The following ZNF517 variants were observed in gnomAD, a reference collection of about 807,000 sequenced individuals.
The protein encoded by ZNF517 is zinc finger protein 517.
Under a neutral mutation model 12.1 loss-of-function variants are expected in ZNF517, and 12 were observed. The ratio of observed to expected loss-of-function variants is 0.99; its 90% confidence interval spans 0.63 to 1.61. ZNF517 has a LOEUF of 1.61. ZNF517 is among the 40% of genes most tolerant of loss of function. ZNF517 has a pLI of 0.00. For missense variants in ZNF517, 781 were observed against 693.2 expected (o/e 1.13, Z -1.42); for synonymous variants, 388 against 310.2 (o/e 1.25, Z -2.63).
chr8:144,807,279 C>A lies in ZNF517; in HGVS notation c.363C>A (p.Cys121Ter), dbSNP rs1363717791. The change falls in exon 5 of 5, where the codon TGC becomes TGA. Residue 121 changes from cysteine (C) to a stop codon, truncating the protein, a stop_gained. Transcript: ENST00000359971. LOFTEE classifies it low-confidence loss of function (END_TRUNC). ...QAGLPGTVWGCLPWGHPVGGH... is the reference protein window; with the variant it reads ...QAGLPGTVWG ...GACTGCCGGGCACCGTGTGGGGGTGCCTCCCCTGGGGGCACCCTGTGGGGG... is the reference window on the plus strand; with the variant it reads ...GACTGCCGGGCACCGTGTGGGGGTGACTCCCCTGGGGGCACCCTGTGGGGG... The A allele has an allele frequency of 6.4e-7, 1 of 1,552,432 alleles. No individual in the cohort carries two copies. The highest frequency in any genetic ancestry group is 1.4e-5 in the African/African-American group (1 of 73,104).
In ZNF517 at chr8:144,807,902, G is replaced by C. The variant is rs570600733; in HGVS notation, c.986G>C (p.Gly329Ala). The C allele has an allele frequency of 2.5e-5, 39 of 1,533,974 alleles. No individual in the cohort carries two copies. In the East Asian group the frequency reaches 3.9e-4, roughly 15 times the overall value. Residue 329 changes from glycine (G) to alanine (A), a missense_variant, in exon 5 of 5, where the codon GGG becomes GCG. By Grantham distance (60) the Gly-to-Ala change is moderately conservative. Coordinates refer to ENST00000359971, the MANE Select transcript of ZNF517 (RefSeq NM_213605.3). ...CLRCGQRFIR[G>A]SSLLKHHRLH... ...CGGTGTGGGCAGCGCTTCATCCGAGGGTCCTCGCTCCTGAAGCACCACCGG... is the reference window on the plus strand; with the variant it reads ...CGGTGTGGGCAGCGCTTCATCCGAGCGTCCTCGCTCCTGAAGCACCACCGG...
chr8:144,804,060 C>A, intron 3 of ZNF517, 65 bp from the exon 4 acceptor site: 1 of 1,499,482 alleles, frequency 6.7e-7, no homozygotes, highest in Non-Finnish European at 9.2e-7. Context: ...GGCCTCCAGC[C>A]AGGCACCTGG....
chr8:144,800,893 G>C (rs759432503), intron 1 of ZNF517, among the ~76,000 whole-genome samples: 54 of 152,064 alleles, frequency 3.6e-4, no homozygotes, highest in Admixed American at 2.6e-3. Flanking sequence ...GGAGTGCAGC[G>C]GGGCACACTT....
chr8:144,805,362 G>C (rs1299589169), intron 4 of ZNF517, among the ~76,000 whole-genome samples: 1 of 152,192 alleles, frequency 6.6e-6, no homozygotes, highest in African/African-American at 2.4e-5. Context: ...ATGGAGTCTC[G>C]CTCTGTCGCC....
intron 2 of ZNF517, 185 bp from the exon 3 acceptor site, chr8:144,803,456 G>T: frequency 1.4e-6 from 1 of 698,400 alleles, no homozygotes; most frequent in Non-Finnish European, 2.3e-6. Context: ...TTCCTCTCTG[G>T]GGCTTCTGCT....
chr8:144,804,799 C>T (rs771379518), intron 4 of ZNF517, among the ~76,000 whole-genome samples: 2 of 152,130 alleles, frequency 1.3e-5, no homozygotes, highest in Non-Finnish European at 2.9e-5. Flanking sequence ...GTTTGACAGC[C>T]GAGGCGGAGA....
At chr8:144,801,222 G>C (rs1826942619) in intron 1 of ZNF517, among the ~76,000 whole-genome samples, 1 of 152,202 alleles carries the variant, frequency 6.6e-6, no homozygotes, top group African/African-American at 2.4e-5. Context: ...TACAGAAATG[G>C]ATAGCCCCGG....
At chr8:144,805,354 G>A (rs1408613017) in intron 4 of ZNF517, among the ~76,000 whole-genome samples, 2 of 152,180 alleles carry the variant, frequency 1.3e-5, no homozygotes, top group African/African-American at 4.8e-5. Context: ...TTTTTGAGAT[G>A]GAGTCTCGCT....
intron 1 of ZNF517, among the ~76,000 whole-genome samples, chr8:144,801,787 T>A (rs1000065709): frequency 6.6e-6 from 1 of 152,218 alleles, no homozygotes; most frequent in East Asian, 1.9e-4. Context: ...ATCCCAGCAC[T>A]TTGGGAGACC....
At position 144,807,371 on chromosome 8, in the gene ZNF517, G is replaced by T; in HGVS notation, c.455G>T (p.Arg152Leu). 1 of 1,555,664 alleles carries T rather than the reference G, an allele frequency of 6.4e-7. No homozygotes were observed. The highest frequency in any genetic ancestry group is 8.7e-7 in the Non-Finnish European group (1 of 1,149,486). Residue 152 changes from arginine (R) to leucine (L), a missense_variant, in exon 5 of 5, where the codon CGG becomes CTG. Arg to Leu is a moderately radical substitution (Grantham distance 102). Transcript: ENST00000359971. ...GGGTCAGATAAACCCACCCACCCCCGGGCTCGGGAGCACAGCGCCTCCCCA... is the reference window on the plus strand; with the variant it reads ...GGGTCAGATAAACCCACCCACCCCCTGGCTCGGGAGCACAGCGCCTCCCCA... ...EDGSDKPTHP[R>L]AREHSASPRV... is the part of the protein sequence containing the mutation.
chr8:144,810,454 GATCCACCCTCCAGAGAACAAGA>G, downstream of ZNF517: 1 of 419,552 alleles, frequency 2.4e-6, no homozygotes, highest in Admixed American at 4.0e-5. Flanking sequence ...GGGAGGGCTG[GATCCACCCTCCAGAGAACAAGA>G]ATCCTGGGCA....
rs1286917865 is a variant in ZNF517 at position 144,807,339 on chromosome 8, T to C, written c.423T>C (p.Pro141=). 1 of 1,552,906 alleles carries C rather than the reference T, an allele frequency of 6.4e-7. No homozygotes were observed. The highest frequency in any genetic ancestry group is 1.9e-5 in the Admixed American group (1 of 51,456). ...CACCACCCCACCCGCATGGCGGTCC[T>C]GAGGACGGGTCAGATAAACCCACCC... is the stretch of plus-strand genomic sequence containing the variant. ...HPAPPHPHGG[P]EDGSDKPTHP... is the part of the protein sequence containing the mutation. Residue 141 remains proline (P), a synonymous_variant, in exon 5 of 5, where the codon CCT becomes CCC. Coordinates refer to ENST00000359971, the MANE Select transcript of ZNF517 (RefSeq NM_213605.3).
chr8:144,802,674 C>T lies in ZNF517; in HGVS notation c.-45-196C>T, dbSNP rs376801255. On this transcript the variant is annotated intron_variant, in intron 1 of 4. Transcript: ENST00000359971. ...GAAGGCCTCCCAGCAAGGTGAGAGC[C>T]AGAAAACATTGGAAGGAGTGGGTGT... 8.2e-6 allele frequency: 7 copies of T among 851,866 alleles called. No homozygotes were observed. In the African/African-American group the frequency reaches 9.2e-5, roughly 11 times the overall value. 52.8% of individuals were successfully genotyped at this position (851,866 alleles called of 1,614,324 possible).
chr8:144,808,690 A>C lies in ZNF517; in HGVS notation c.*295A>C, dbSNP rs1249419386. The stretch of plus-strand genomic sequence containing the variant: ...GGAGGGGCAGCTATGCTCAGTCCCC[A>C]AAGAGCAGGGCACAGGGGGCGCCAC... On this transcript the variant is annotated 3_prime_UTR_variant, in exon 5 of 5. Coordinates refer to ENST00000359971, the MANE Select transcript of ZNF517 (RefSeq NM_213605.3). 1 of 314,500 alleles carries C rather than the reference A, an allele frequency of 3.2e-6. No individual in the cohort carries two copies. Among genetic ancestry groups the C allele is most frequent in the African/African-American group, 2.2e-5 (1 of 46,422 alleles). The allele number at this position is 314,500 out of a possible 1,614,324, so 19.5% of individuals were successfully genotyped here.
chr8:144,803,956 TG>T, intron 3 of ZNF517, 168 bp from the exon 4 acceptor site: 1 of 1,092,576 alleles, frequency 9.2e-7, no homozygotes. Context: ...GCTTCTCTCC[TG>T]GGGCAGGCCC....
intron 4 of ZNF517, among the ~76,000 whole-genome samples, chr8:144,805,870 C>T (rs59530118): frequency 0.056 from 8,538 of 151,912 alleles, 670 homozygotes; most frequent in African/African-American, 0.2. Flanking sequence ...TCCGCCGCCT[C>T]GGCCTCCCAG....
At chr8:144,805,953 T>G (rs1477193632) in intron 4 of ZNF517, among the ~76,000 whole-genome samples, 1 of 152,032 alleles carries the variant, frequency 6.6e-6, no homozygotes. Flanking sequence ...GAATAAAGAG[T>G]AATGCTACAA....
intron 1 of ZNF517, chr8:144,800,616 C>T: frequency 1.0e-6 from 1 of 985,352 alleles, no homozygotes; most frequent in Non-Finnish European, 1.2e-6. Flanking sequence ...GTGGGTCCTG[C>T]CACAGACTGC....
At chr8:144,799,670 A>G (rs983519984) in intron 1 of ZNF517, among the ~76,000 whole-genome samples, 13 of 152,042 alleles carry the variant, frequency 8.6e-5, no homozygotes, top group East Asian at 1.9e-4. Flanking sequence ...GCCGTGCGCA[A>G]TGGCTCACGC....
Sources: gnomAD v4.1 joint callset for allele counts (sites outside exome capture counted in the v4.1 genomes callset) on GRCh38, gnomAD v4.1.1 for gene constraint, MANE v1.5 for transcripts, NCBI Gene and HGNC (gene_info 2026-07-23, HGNC 2026-07-21) for gene names.